The following IQCM variants were observed in gnomAD, a reference collection of about 807,000 sequenced individuals.
IQCM encodes the protein IQ domain-containing protein M.
IQCM carries 45 observed loss-of-function variants against 57.6 expected under a neutral mutation model. The observed-to-expected ratio is 0.78, with a 90% CI of 0.62 to 1.00. The LOEUF is 1.00. Among genes scored for constraint, IQCM ranks in the 50% least tolerant of loss-of-function variants. The pLI is 0.00. For synonymous variants in IQCM, 148 were observed against 158.9 expected (o/e 0.93, Z 0.51); for missense variants, 468 against 511.6 (o/e 0.91, Z 0.82).
intron 5 of IQCM, among the ~76,000 whole-genome samples, chr4:149,700,170 G>T (rs1763656384): frequency 6.6e-6 from 1 of 152,034 alleles, no homozygotes; most frequent in East Asian, 1.9e-4. Flanking sequence ...AGACAGATAG[G>T]CATACATATA....
chr4:149,669,922 C>A (rs1761102499), intron 7 of IQCM, among the ~76,000 whole-genome samples: 1 of 152,146 alleles, frequency 6.6e-6, no homozygotes, highest in Admixed American at 6.5e-5. Flanking sequence ...ATGCCTCCAG[C>A]TTTGTTCTTT....
At chr4:149,602,591 T>A (rs1055678645) in intron 8 of IQCM, among the ~76,000 whole-genome samples, 4 of 152,230 alleles carry the variant, frequency 2.6e-5, no homozygotes, top group Admixed American at 2.0e-4. Flanking sequence ...AATTTCTTAT[T>A]TTCTATTTTC....
chr4:149,481,212 C>A (rs1482169606), intron 12 of IQCM, among the ~76,000 whole-genome samples: 1 of 151,894 alleles, frequency 6.6e-6, no homozygotes, highest in Non-Finnish European at 1.5e-5. Context: ...GGGTTGTTTG[C>A]ACTTTGTTGA....
At chr4:149,744,763 G>C (rs557361933) in intron 2 of IQCM, among the ~76,000 whole-genome samples, 5 of 151,994 alleles carry the variant, frequency 3.3e-5, no homozygotes, top group Admixed American at 3.3e-4. Context: ...CCTTCCTAAT[G>C]CATCCATCAA....
intron 13 of IQCM, among the ~76,000 whole-genome samples, chr4:149,358,872 A>C (rs893494712): frequency 6.6e-6 from 1 of 152,100 alleles, no homozygotes; most frequent in Non-Finnish European, 1.5e-5. Flanking sequence ...TCTCATGAGT[A>C]TATCATGAGA....
rs577782361 is a variant in IQCM at position 149,470,295 on chromosome 4, G to GA, written c.1229-36739dup. On this transcript the variant is annotated intron_variant, in intron 12 of 13. Transcript: ENST00000636793. ...TGGAGGAAGATCTACCAAGCAAATG[G>GA]AAAAAAAAAAAAGCAGGGGTTGCAA... 4.3e-3 allele frequency among the ~76,000 whole-genome samples: 568 copies of GA among 131,524 alleles called. 3 individuals are homozygous for GA. Among genetic ancestry groups the GA allele is most frequent in the African/African-American group, 0.012 (443 of 35,806 alleles). 86.3% of individuals were successfully genotyped at this position (131,524 alleles called of 152,430 possible).
chr4:149,415,466 G>C (rs558353565), intron 13 of IQCM, among the ~76,000 whole-genome samples: 2 of 152,122 alleles, frequency 1.3e-5, no homozygotes, highest in African/African-American at 4.8e-5. Context: ...AATTCTTTCT[G>C]TAAATCACAT....
chr4:149,665,759 A>G (rs1048955988), intron 7 of IQCM, among the ~76,000 whole-genome samples: 10 of 152,176 alleles, frequency 6.6e-5, no homozygotes, highest in Admixed American at 4.6e-4. Context: ...AATGTTAATT[A>G]TTGGCAGACC....
At position 149,352,022 on chromosome 4, in the gene IQCM, CA is replaced by C; in HGVS notation, c.1434del (p.Gly479GlufsTer8). ...PALKRANIRV[V>X]GKLVARSIRE... ...CTTATGGATCGGGCCACCAACTTTC[CA>C]ACAACCCGGATGTTAGCTCGTTTGA... On this transcript the variant is annotated frameshift_variant, in exon 14 of 14. Coordinates refer to ENST00000636793, the MANE Select transcript of IQCM (RefSeq NM_001363507.2). LOFTEE classifies it high-confidence loss of function. 1 of 398,908 alleles carries C rather than the reference CA, an allele frequency of 2.5e-6. No individual in the cohort carries two copies. The highest frequency in any genetic ancestry group is 4.4e-6 in the Non-Finnish European group (1 of 226,004). 24.7% of individuals were successfully genotyped at this position (398,908 alleles called of 1,614,324 possible).
intron 7 of IQCM, among the ~76,000 whole-genome samples, chr4:149,660,682 G>A (rs1291527898): frequency 1.3e-5 from 2 of 152,046 alleles, no homozygotes; most frequent in African/African-American, 4.8e-5. Flanking sequence ...GTCCTTTGTA[G>A]GGACATGGAT....
intron 5 of IQCM, among the ~76,000 whole-genome samples, chr4:149,726,140 AAAAG>A (rs149830225): frequency 0.029 from 3,759 of 129,986 alleles, 176 homozygotes; most frequent in African/African-American, 0.067. Context: ...AGAAAGAAAG[AAAAG>A]AAAGAAAGAA....
intron 12 of IQCM, among the ~76,000 whole-genome samples, chr4:149,503,092 G>A (rs930624787): frequency 1.3e-5 from 2 of 151,920 alleles, no homozygotes; most frequent in Non-Finnish European, 2.9e-5. Context: ...GTGATGGCAT[G>A]TGGCTATAAT....
chr4:149,425,854 G>A (rs571516969), intron 13 of IQCM, among the ~76,000 whole-genome samples: 1 of 151,992 alleles, frequency 6.6e-6, no homozygotes, highest in African/African-American at 2.4e-5. Flanking sequence ...AGTCATAATA[G>A]ATTTCCGTTT....
intron 10 of IQCM, among the ~76,000 whole-genome samples, chr4:149,563,301 A>C (rs1157161777): frequency 2.6e-5 from 4 of 152,198 alleles, no homozygotes; most frequent in African/African-American, 9.6e-5. Context: ...TCCTTGTTTA[A>C]GAATAGGTGG....
At chr4:149,499,622 T>C (rs1281103344) in intron 12 of IQCM, among the ~76,000 whole-genome samples, 2 of 152,110 alleles carry the variant, frequency 1.3e-5, no homozygotes, top group Non-Finnish European at 2.9e-5. Flanking sequence ...GAAATGGTCC[T>C]TATTTATCAT....
At chr4:149,562,395 AG>A (rs1750211872) in intron 10 of IQCM, among the ~76,000 whole-genome samples, 1 of 152,238 alleles carries the variant, frequency 6.6e-6, no homozygotes, top group South Asian at 2.1e-4. Context: ...AAAAGTTGAA[AG>A]AATCTAAGAG....
At chr4:149,697,464 C>A (rs1763428394) in intron 5 of IQCM, among the ~76,000 whole-genome samples, 1 of 151,974 alleles carries the variant, frequency 6.6e-6, no homozygotes, top group South Asian at 2.1e-4. Context: ...ATTTTGCAAT[C>A]CAGATTAAAT....
At chr4:149,620,316 T>C (rs1756218372) in intron 8 of IQCM, among the ~76,000 whole-genome samples, 1 of 152,060 alleles carries the variant, frequency 6.6e-6, no homozygotes, top group African/African-American at 2.4e-5. Context: ...GAAAATAAAT[T>C]TTTGTTGTTT....
intron 7 of IQCM, among the ~76,000 whole-genome samples, chr4:149,671,039 T>C (rs913845217): frequency 1.3e-5 from 2 of 152,074 alleles, no homozygotes; most frequent in African/African-American, 2.4e-5. Flanking sequence ...TTCTGTCGAT[T>C]GGAAGAGTTT....
Sources: gnomAD v4.1 joint callset for allele counts (sites outside exome capture counted in the v4.1 genomes callset) on GRCh38, gnomAD v4.1.1 for gene constraint, MANE v1.5 for transcripts, NCBI Gene and HGNC (gene_info 2026-07-23, HGNC 2026-07-21) for gene names.